The following RBM42 variants were observed in gnomAD, a reference collection of about 807,000 sequenced individuals.
RBM42 encodes the protein RNA-binding protein 42.
RBM42 carries 21 observed loss-of-function variants against 41.4 expected under a neutral mutation model. The observed-to-expected ratio is 0.51, with a 90% CI of 0.36 to 0.73. The LOEUF is 0.73. RBM42 is among the 30% of genes least tolerant of loss of function. The pLI is 0.00. For synonymous variants in RBM42, 272 were observed against 271.2 expected, an observed-to-expected ratio of 1.00 and a Z score of -0.03; for missense variants, 539 against 680.4, an observed-to-expected ratio of 0.79 and a Z score of 2.31.
At position 35,629,043 on chromosome 19, in the gene RBM42, C is replaced by A; in HGVS notation, c.-111C>A. 7.1e-7 allele frequency: 1 copy of A among 1,415,156 alleles called. No individual in the cohort carries two copies. The highest frequency in any genetic ancestry group is 9.3e-7 in the Non-Finnish European group (1 of 1,079,498). 87.7% of individuals were successfully genotyped at this position (1,415,156 alleles called of 1,614,324 possible). On this transcript the variant is annotated 5_prime_UTR_variant, in exon 1 of 10. In the 5' UTR this introduces an upstream ATG that the reference lacks. Coordinates refer to ENST00000262633, the MANE Select transcript of RBM42 (RefSeq NM_024321.5). ...CATGCGCCAGCGCCCGTCGCTTTTG[C>A]TGGACGTCATCCTCGGGAGCCCACC...
intron 7 of RBM42, 68 bp from the exon 8 acceptor site, chr19:35,634,188 C>A: frequency 1.3e-6 from 2 of 1,577,920 alleles, no homozygotes; most frequent in Non-Finnish European, 1.7e-6. Flanking sequence ...GGCAGGAGGG[C>A]CGGGGACCAA....
chr19:35,635,608 C>T (rs1480351332), intron 8 of RBM42, among the ~76,000 whole-genome samples: 1 of 151,256 alleles, frequency 6.6e-6, no homozygotes, highest in East Asian at 2.0e-4. Context: ...GCAACCTCCA[C>T]CTGCCAGGGT....
In RBM42 at chr19:35,634,089, A is replaced by G. The variant is rs1967455007; in HGVS notation, c.1017+70A>G. The G allele has an allele frequency of 4.0e-6, 6 of 1,487,376 alleles. No homozygotes were observed. In the South Asian group the frequency reaches 8.1e-5, roughly 20 times the overall value. The allele number at this position is 1,487,376 out of a possible 1,614,324, so 92.1% of individuals were successfully genotyped here. ...CAGACAGGAGCCCAGGAACTTCCAC[A>G]CAGACAGACCGGACAGCAGGAGGAC... On this transcript the variant is annotated intron_variant, in intron 7 of 9. Transcript: ENST00000262633.
rs755061333 is a variant in RBM42 at position 35,633,217 on chromosome 19, C to A, written c.649C>A (p.Pro217Thr). ...ACCAATGGCTCGGGCTCCAGGGCCC[C>A]CGCTGGGCTCCATGGCTGCACTGAG... ...LPPMARAPGP[P>T]LGSMAALRPP... Residue 217 changes from proline (P) to threonine (T), a missense_variant, in exon 6 of 10, where the codon CCG (proline) becomes ACG (threonine). This residue lies in a region of RBM42 where 429 missense variants were observed against 488.9 expected (regional missense o/e 0.88). Transcript: ENST00000262633. 1.2e-4 allele frequency: 185 copies of A among 1,606,968 alleles called. No homozygotes were observed. Among genetic ancestry groups the A allele is most frequent in the Non-Finnish European group, 1.5e-4 (180 of 1,176,486 alleles).
intron 2 of RBM42, among the ~76,000 whole-genome samples, chr19:35,630,228 C>T (rs898865438): frequency 6.6e-6 from 1 of 151,736 alleles, no homozygotes; most frequent in African/African-American, 2.4e-5. Flanking sequence ...GCAGGAGAAT[C>T]GCTTGAACCC....
intron 8 of RBM42, 73 bp downstream of exon 8, chr19:35,634,446 A>C: frequency 9.2e-7 from 1 of 1,089,082 alleles, no homozygotes; most frequent in Non-Finnish European, 1.4e-6. Context: ...TGGGCTGCAG[A>C]CTGGGAGGGT....
At position 35,629,612 on chromosome 19, in the gene RBM42, C is replaced by T; in HGVS notation, c.221C>T (p.Ala74Val). 2 of 1,614,204 alleles carry T rather than the reference C, an allele frequency of 1.2e-6. No individual in the cohort carries two copies. Among genetic ancestry groups the T allele is most frequent in the Non-Finnish European group, 8.5e-7 (1 of 1,180,036 alleles). ...PTVPTVPTVE[A>V]MQVPAAPVIR... is the part of the protein sequence containing the mutation. The stretch of plus-strand genomic sequence containing the variant: ...GTCCCCACGGTCCCCACAGTAGAAG[C>T]GATGCAGGTCCCAGCGGCTCCTGTG... The change falls in exon 2 of 10, where the codon GCG becomes GTG. Residue 74 changes from alanine to valine, a missense_variant. Coordinates refer to ENST00000262633, the MANE Select transcript of RBM42 (RefSeq NM_024321.5).
In RBM42 at chr19:35,629,057, C is replaced by T; in HGVS notation, c.-97C>T. 7.0e-7 allele frequency: 1 copy of T among 1,437,444 alleles called. No homozygotes were observed. The highest frequency in any genetic ancestry group is 9.1e-7 in the Non-Finnish European group (1 of 1,096,526). 89.0% of individuals were successfully genotyped at this position (1,437,444 alleles called of 1,614,324 possible). ...CGTCGCTTTTGCTGGACGTCATCCT[C>T]GGGAGCCCACCCGGACGAAGGGGGA... On this transcript the variant is annotated 5_prime_UTR_variant, in exon 1 of 10. Transcript: ENST00000262633.
chr19:35,629,388 A>G (rs1967364857), intron 1 of RBM42, 107 bp downstream of exon 1: 1 of 1,520,834 alleles, frequency 6.6e-7, no homozygotes, highest in African/African-American at 1.4e-5. Flanking sequence ...AACATGGGGA[A>G]GTGGGACCTT....
Position 35,633,840 on chromosome 19 carries a change from A to G in RBM42, c.838A>G (p.Ile280Val). 2 of 1,558,376 alleles carry G rather than the reference A, an allele frequency of 1.3e-6. No individual in the cohort carries two copies. Among genetic ancestry groups the G allele is most frequent in the South Asian group, 2.3e-5 (2 of 85,132 alleles). ...AGGAPAGPAV[I>V]GPSLPLALAM... is the part of the protein sequence containing the mutation. The stretch of plus-strand genomic sequence containing the variant: ...AGGTGCCCCAGCTGGCCCTGCAGTC[A>G]TTGGGCCCAGCCTGCCGCTGGCCCT... Residue 280 changes from isoleucine (I) to valine (V), a missense_variant, in exon 7 of 10, where the codon ATT becomes GTT. By Grantham distance (29) the Ile-to-Val change is conservative (BLOSUM62 3). Around this residue, in one of 2 missense-constraint regions of RBM42, gnomAD observed 429 missense variants for 488.9 expected, o/e 0.88. Transcript: ENST00000262633.
In RBM42 at chr19:35,629,517, C is replaced by T. The variant is rs1272639409; in HGVS notation, c.129-3C>T. On this transcript the variant is annotated splice_polypyrimidine_tract_variant and splice_region_variant and intron_variant, in intron 1 of 9. Coordinates refer to ENST00000262633, the MANE Select transcript of RBM42 (RefSeq NM_024321.5). ...AGCGCTGATGTCTGTTCTACTCCTCCAGGTTTGAGCAGGAAGTTCTGGGGG... is the reference window on the plus strand; with the variant it reads ...AGCGCTGATGTCTGTTCTACTCCTCTAGGTTTGAGCAGGAAGTTCTGGGGG... 1 of 1,614,096 alleles carries T rather than the reference C, an allele frequency of 6.2e-7. No individual in the cohort carries two copies. The highest frequency in any genetic ancestry group is 8.5e-7 in the Non-Finnish European group (1 of 1,179,980).
chr19:35,634,061 G>A, intron 7 of RBM42, 42 bp downstream of exon 7: 3 of 1,468,226 alleles, frequency 2.0e-6, no homozygotes, highest in Non-Finnish European at 2.7e-6. Flanking sequence ...AAGGGACGGG[G>A]GGCAGACAGG....
chr19:35,631,597 C>T, intron 4 of RBM42, 192 bp downstream of exon 4: 1 of 605,764 alleles, frequency 1.7e-6, no homozygotes, highest in Non-Finnish European at 2.9e-6. Flanking sequence ...TCATTGCAAA[C>T]CAACCCTCCT....
chr19:35,635,668 G>C (rs747017622), intron 8 of RBM42, among the ~76,000 whole-genome samples: 2 of 151,706 alleles, frequency 1.3e-5, no homozygotes, highest in African/African-American at 4.8e-5. Flanking sequence ...CTACAGGCGC[G>C]CACGACCATG....
At position 35,629,559 on chromosome 19, in the gene RBM42, C is replaced by T. The variant is rs375216406; in HGVS notation, c.168C>T (p.Ile56=). ...TTCTGGGGGCTCCAGTACCTGGAATCCCAACTGCTGTGCCTGCGGTGCCCA... is the reference window on the plus strand; with the variant it reads ...TTCTGGGGGCTCCAGTACCTGGAATTCCAACTGCTGTGCCTGCGGTGCCCA... ...QEVLGAPVPG[I]PTAVPAVPTV... Residue 56 remains isoleucine (I), a synonymous_variant, in exon 2 of 10, where the codon ATC becomes ATT. Coordinates refer to ENST00000262633, the MANE Select transcript of RBM42 (RefSeq NM_024321.5). 1.9e-5 allele frequency: 31 copies of T among 1,614,092 alleles called. No homozygotes were observed. In the African/African-American group the frequency reaches 4.0e-4, roughly 21 times the overall value.
At chr19:35,629,702 G>A (rs1255090838) in intron 2 of RBM42, 29 bp downstream of exon 2, 2 of 1,612,226 alleles carry the variant, frequency 1.2e-6, no homozygotes, top group African/African-American at 1.3e-5. Flanking sequence ...ATGTAAGTCA[G>A]GGAACACAAT....
chr19:35,633,828 G>A lies in RBM42; in HGVS notation c.826G>A (p.Gly276Ser). The A allele has an allele frequency of 2.0e-6, 3 of 1,535,606 alleles. No homozygotes were observed. The highest frequency in any genetic ancestry group is 2.6e-6 in the Non-Finnish European group (3 of 1,147,498). ...CGTGGGGGCAGGAGGTGCCCCAGCT[G>A]GCCCTGCAGTCATTGGGCCCAGCCT... ...VAVGAGGAPA[G>S]PAVIGPSLPL... Residue 276 changes from glycine (G) to serine (S), a missense_variant, in exon 7 of 10, where the codon GGC (glycine) becomes AGC (serine). Physicochemically the swap from Gly to Ser is moderately conservative, Grantham distance 56. Transcript: ENST00000262633.
In RBM42 at chr19:35,637,048, A is replaced by G; in HGVS notation, c.1136-110A>G. 1 of 977,390 alleles carries G rather than the reference A, an allele frequency of 1.0e-6. No homozygotes were observed. The highest frequency in any genetic ancestry group is 1.5e-6 in the Non-Finnish European group (1 of 663,546). The allele number at this position is 977,390 out of a possible 1,614,324, so 60.5% of individuals were successfully genotyped here. ...GTAGGTGTTGACCATTATTACTAAGAGGTCCCTAGGCAGAGACTAGATACC... is the reference window on the plus strand; with the variant it reads ...GTAGGTGTTGACCATTATTACTAAGGGGTCCCTAGGCAGAGACTAGATACC... On this transcript the variant is annotated intron_variant, in intron 8 of 9. Coordinates refer to ENST00000262633, the MANE Select transcript of RBM42 (RefSeq NM_024321.5). The surrounding 1 kb of genome is among the most constrained non-coding windows in gnomAD (Gnocchi z 7.0).
intron 8 of RBM42, among the ~76,000 whole-genome samples, chr19:35,635,741 C>T (rs1279031516): frequency 6.6e-6 from 1 of 151,990 alleles, no homozygotes; most frequent in African/African-American, 2.4e-5. Flanking sequence ...AGGCTGGTCT[C>T]GAACTCCTGA....
Sources: gnomAD v4.1 joint callset for allele counts (sites outside exome capture counted in the v4.1 genomes callset) on GRCh38, gnomAD v4.1.1 for gene constraint, gnomAD v4.1.1 regional missense constraint, Gnocchi (gnomAD v3.1) non-coding constraint, MANE v1.5 for transcripts, NCBI Gene and HGNC (gene_info 2026-07-23, HGNC 2026-07-21) for gene names.